The following PTPRN2 variants were observed in gnomAD, a reference collection of about 807,000 sequenced individuals.
The protein encoded by PTPRN2 is protein tyrosine phosphatase receptor type N2.
In PTPRN2, 74 loss-of-function variants were observed where a neutral mutation model predicts 118.8. The observed-to-expected ratio is 0.62, with a 90% CI of 0.52 to 0.76. The LOEUF is 0.76. Among genes scored for constraint, PTPRN2 ranks in the 30% least tolerant of loss-of-function variants. The probability of loss-of-function intolerance (pLI) is 0.00; values close to 1 mark genes in which losing one functional copy is unlikely to be tolerated. For missense variants in PTPRN2, 1,481 were observed against 1,394.4 expected (o/e 1.06, Z -0.99); for synonymous variants, 641 against 608.0 (o/e 1.05, Z -0.80).
chr7:157,935,792 G>A (rs919243468), intron 11 of PTPRN2, among the ~76,000 whole-genome samples: 2 of 151,150 alleles, frequency 1.3e-5, no homozygotes, highest in Non-Finnish European at 1.5e-5. Context: ...TCCCTCAGGG[G>A]GGTCTAGCCA....
At chr7:157,829,986 T>C (rs1807447808) in intron 12 of PTPRN2, among the ~76,000 whole-genome samples, 1 of 152,174 alleles carries the variant, frequency 6.6e-6, no homozygotes, top group Non-Finnish European at 1.5e-5. Flanking sequence ...TCCAAAGACA[T>C]TGTGTCCTGG....
intron 12 of PTPRN2, among the ~76,000 whole-genome samples, chr7:157,792,411 A>G (rs1207708319): frequency 6.6e-6 from 1 of 152,162 alleles, no homozygotes; most frequent in Non-Finnish European, 1.5e-5. Flanking sequence ...GGCGGACATT[A>G]GCCAGCAGTG....
chr7:157,870,197 T>C (rs1810967126), intron 12 of PTPRN2, among the ~76,000 whole-genome samples: 1 of 152,230 alleles, frequency 6.6e-6, no homozygotes, highest in South Asian at 2.1e-4. Flanking sequence ...CCAGCCAGAA[T>C]TATGTAAGCT....
intron 11 of PTPRN2, among the ~76,000 whole-genome samples, chr7:158,043,666 A>G (rs572831195): frequency 4.4e-4 from 67 of 152,358 alleles, no homozygotes; most frequent in African/African-American, 1.6e-3. Flanking sequence ...TTCTGAGCAC[A>G]AGGCAGGTTG....
intron 1 of PTPRN2, among the ~76,000 whole-genome samples, chr7:158,552,144 A>T (rs1476178591): frequency 4.1e-5 from 4 of 97,674 alleles, no homozygotes; most frequent in East Asian, 7.4e-4. Flanking sequence ...CCATTGCATC[A>T]GGGTGGGGCT....
At chr7:157,663,282 C>T (rs1048967890) in intron 13 of PTPRN2, among the ~76,000 whole-genome samples, 12 of 152,176 alleles carry the variant, frequency 7.9e-5, no homozygotes, top group African/African-American at 2.9e-4. Flanking sequence ...TGACATCACA[C>T]TGACAAGTTA....
chr7:158,117,077 A>T (rs1816785197), intron 9 of PTPRN2, among the ~76,000 whole-genome samples: 1 of 152,140 alleles, frequency 6.6e-6, no homozygotes, highest in Admixed American at 6.5e-5. Flanking sequence ...GTAAGTCAAC[A>T]ATAATTGTCT....
intron 21 of PTPRN2, among the ~76,000 whole-genome samples, chr7:157,565,440 G>C (rs533975529): frequency 6.6e-6 from 1 of 152,356 alleles, no homozygotes; most frequent in African/African-American, 2.4e-5. Context: ...CAGCTGCTGG[G>C]GGATCATACA....
At chr7:157,666,558 A>C (rs1796146072) in intron 13 of PTPRN2, among the ~76,000 whole-genome samples, 1 of 151,794 alleles carries the variant, frequency 6.6e-6, no homozygotes, top group African/African-American at 2.4e-5. Flanking sequence ...AAAAAAAGCA[A>C]GCCAAGACAG....
intron 11 of PTPRN2, among the ~76,000 whole-genome samples, chr7:158,080,535 C>G (rs1231972965): frequency 6.9e-6 from 1 of 145,288 alleles, no homozygotes; most frequent in Non-Finnish European, 1.5e-5. Context: ...TCTTACTAGG[C>G]AGGAAGATTA....
intron 11 of PTPRN2, among the ~76,000 whole-genome samples, chr7:158,075,750 C>T (rs971693485): frequency 3.3e-5 from 5 of 152,250 alleles, no homozygotes; most frequent in African/African-American, 1.2e-4. Context: ...CTGGGTGACA[C>T]CTCAGCCAGG....
At chr7:157,600,486 T>C (rs1054895264) in intron 16 of PTPRN2, among the ~76,000 whole-genome samples, 1 of 152,228 alleles carries the variant, frequency 6.6e-6, no homozygotes, top group African/African-American at 2.4e-5. Flanking sequence ...GGTGGCATGA[T>C]CTCGGCTCAC....
chr7:158,122,939 T>G (rs76851834), intron 9 of PTPRN2, among the ~76,000 whole-genome samples: 2 of 151,704 alleles, frequency 1.3e-5, no homozygotes, highest in Non-Finnish European at 2.9e-5. Context: ...GTGGGCCAGA[T>G]GAAATCAAGC....
chr7:157,925,481 T>C (rs1306599444), intron 11 of PTPRN2, among the ~76,000 whole-genome samples: 3 of 152,214 alleles, frequency 2.0e-5, no homozygotes, highest in Admixed American at 6.5e-5. Context: ...TAGCCCTTCA[T>C]GGGTTCACCT....
Position 157,994,683 on chromosome 7 carries a change from G to A in PTPRN2, c.1723+86615C>T, listed in dbSNP as rs113691400. Among the ~76,000 whole-genome samples the A allele has an allele frequency of 4.5e-3, 435 of 96,588 alleles. 1 individual carries two copies. Among genetic ancestry groups the A allele is most frequent in the South Asian group, 9.0e-3 (24 of 2,662 alleles). 63.4% of individuals were successfully genotyped at this position (96,588 alleles called of 152,430 possible). On this transcript the variant is annotated intron_variant, in intron 11 of 22. Coordinates refer to ENST00000389418, the MANE Select transcript of PTPRN2 (RefSeq NM_002847.5). ...TCCTTGTTCCTAAAATCAACGCCGCGTCCCCAGCTTACAGCTCCTTGTTCC... is the reference window on the plus strand; with the variant it reads ...TCCTTGTTCCTAAAATCAACGCCGCATCCCCAGCTTACAGCTCCTTGTTCC...
chr7:157,957,002 G>C (rs1327561830), intron 11 of PTPRN2, among the ~76,000 whole-genome samples: 2 of 152,236 alleles, frequency 1.3e-5, no homozygotes, highest in Non-Finnish European at 2.9e-5. Context: ...TAGAGAGTAA[G>C]AAGGAAAAGG....
intron 11 of PTPRN2, among the ~76,000 whole-genome samples, chr7:158,076,955 A>C (rs1812409783): frequency 6.6e-6 from 1 of 152,232 alleles, no homozygotes. Flanking sequence ...TGAAGCACCG[A>C]TGCCTGCCTG....
At chr7:157,620,351 T>A (rs1158719766) in intron 15 of PTPRN2, among the ~76,000 whole-genome samples, 2 of 152,158 alleles carry the variant, frequency 1.3e-5, no homozygotes, top group Non-Finnish European at 2.9e-5. Flanking sequence ...CGAGGCGGTG[T>A]CTCTTCCAGT....
intron 2 of PTPRN2, among the ~76,000 whole-genome samples, chr7:158,425,810 C>G (rs1356240591): frequency 1.7e-5 from 2 of 115,536 alleles, no homozygotes; most frequent in Non-Finnish European, 3.6e-5. Flanking sequence ...CCGGGAAAGA[C>G]GCGGGGTCCG....
Sources: allele counts gnomAD v4.1 joint callset (sites outside exome capture counted in the v4.1 genomes callset), GRCh38; gene constraint gnomAD v4.1.1; transcripts MANE v1.5; gene names NCBI Gene and HGNC (gene_info 2026-07-23, HGNC 2026-07-21).